HACE1: variants seen among roughly 807,000 people sequenced by gnomAD.
HACE1 encodes the protein HECT domain and ankyrin repeat containing E3 ubiquitin protein ligase 1.
Under a neutral mutation model 118.4 loss-of-function variants are expected in HACE1, and 73 were observed. The ratio of observed to expected loss-of-function variants is 0.62; its 90% confidence interval spans 0.51 to 0.75. The LOEUF (loss-of-function observed/expected upper bound fraction) is 0.75, where lower values mean the gene tolerates loss of function less well. HACE1 is among the 30% of genes least tolerant of loss of function. The pLI is 0.00. For synonymous variants in HACE1, 368 were observed against 374.8 expected, an observed-to-expected ratio of 0.98 and a Z score of 0.21; for missense variants, 749 against 1,102.2, an observed-to-expected ratio of 0.68 and a Z score of 4.54.
chr6:104,827,537 G>C (rs751431511), intron 6 of HACE1, among the ~76,000 whole-genome samples: 33 of 152,084 alleles, frequency 2.2e-4, no homozygotes, highest in Non-Finnish European at 4.3e-4. Flanking sequence ...ACAGTGGTAA[G>C]AGAACTTTCT....
intron 10 of HACE1, among the ~76,000 whole-genome samples, chr6:104,794,925 T>C (rs1783452961): frequency 6.6e-6 from 1 of 150,632 alleles, no homozygotes; most frequent in Non-Finnish European, 1.5e-5. Context: ...ATTGTATATA[T>C]GTGTGTGTGT....
intron 6 of HACE1, among the ~76,000 whole-genome samples, chr6:104,812,918 T>C (rs1185767252): frequency 6.6e-6 from 1 of 152,176 alleles, no homozygotes; most frequent in East Asian, 1.9e-4. Context: ...TATCCCTCTT[T>C]ACACTGTCTC....
chr6:104,806,923 C>G (rs998478209), intron 7 of HACE1, among the ~76,000 whole-genome samples: 2 of 151,712 alleles, frequency 1.3e-5, no homozygotes, highest in African/African-American at 4.8e-5. Context: ...ATAGTCCAGA[C>G]AGTTGTAATA....
At chr6:104,795,764 T>C (rs1769556381) in intron 9 of HACE1, 79 bp from the exon 10 acceptor site, 1 of 845,600 alleles carries the variant, frequency 1.2e-6, no homozygotes, top group Non-Finnish European at 2.0e-6. Context: ...ACCTATTAAG[T>C]ATCTTAAAGC....
chr6:104,811,524 G>A (rs1026673741), intron 6 of HACE1, 131 bp from the exon 7 acceptor site: 10 of 597,534 alleles, frequency 1.7e-5, no homozygotes, highest in Non-Finnish European at 2.9e-5. Context: ...GAGTGGGCAC[G>A]TGACAATTAC....
At chr6:104,800,885 T>C (rs1770256779) in intron 7 of HACE1, among the ~76,000 whole-genome samples, 1 of 152,214 alleles carries the variant, frequency 6.6e-6, no homozygotes. Flanking sequence ...TTCACAGAAG[T>C]AGGCTTCAGA....
intron 19 of HACE1, among the ~76,000 whole-genome samples, chr6:104,765,384 C>T (rs961050060): frequency 5.3e-5 from 8 of 152,218 alleles, no homozygotes; most frequent in Non-Finnish European, 7.3e-5. Flanking sequence ...TGCACTAGGA[C>T]ATCCCTGCAC....
At chr6:104,824,650 C>A (rs775345361) in intron 6 of HACE1, among the ~76,000 whole-genome samples, 58 of 152,150 alleles carry the variant, frequency 3.8e-4, no homozygotes, top group Non-Finnish European at 7.4e-4. Flanking sequence ...CTTTTAAAAT[C>A]CCTAAGGATT....
intron 19 of HACE1, among the ~76,000 whole-genome samples, chr6:104,768,296 C>CA (rs1166827070): frequency 6.6e-6 from 1 of 151,118 alleles, no homozygotes; most frequent in African/African-American, 2.4e-5. Flanking sequence ...CTAAACATGA[C>CA]AAAAAAACTT....
intron 22 of HACE1, among the ~76,000 whole-genome samples, chr6:104,742,668 G>T (rs1324252136): frequency 6.6e-6 from 1 of 151,396 alleles, no homozygotes; most frequent in Non-Finnish European, 1.5e-5. Context: ...AACAACAGGT[G>T]CTGGAGAGGA....
chr6:104,733,215 C>T (rs143143325), intron 22 of HACE1, among the ~76,000 whole-genome samples: 131 of 152,266 alleles, frequency 8.6e-4, no homozygotes, highest in African/African-American at 3.0e-3. Context: ...CAAATTATAG[C>T]ACAGTATTTC....
Position 104,729,740 on chromosome 6 carries a change from T to C in HACE1, c.2652A>G (p.Glu884=). ...STCINMLKLP[E]YPSKEILKDR... ...CCTTGAGTATTTCTTTACTTGGGTA[T>C]TCAGGTAACTTGAGCATGTTGATGC... The change falls in exon 24 of 24, where the codon GAA becomes GAG. Residue 884 remains glutamate, a synonymous_variant. Transcript: ENST00000262903. 6.5e-7 allele frequency: 1 copy of C among 1,542,532 alleles called. No homozygotes were observed. Among genetic ancestry groups the C allele is most frequent in the Non-Finnish European group, 9.0e-7 (1 of 1,115,406 alleles).
intron 7 of HACE1, among the ~76,000 whole-genome samples, chr6:104,800,276 T>C (rs1197537145): frequency 6.6e-6 from 1 of 152,104 alleles, no homozygotes; most frequent in African/African-American, 2.4e-5. Flanking sequence ...ACTCCACTTC[T>C]GTGGGCAGGG....
At chr6:104,850,542 C>T (rs1562510461) in intron 3 of HACE1, among the ~76,000 whole-genome samples, 1 of 152,142 alleles carries the variant, frequency 6.6e-6, no homozygotes, top group Non-Finnish European at 1.5e-5. Flanking sequence ...CATTCTCCAC[C>T]TATGTAAAAA....
intron 7 of HACE1, among the ~76,000 whole-genome samples, chr6:104,803,777 T>C (rs1267464380): frequency 6.6e-6 from 1 of 152,136 alleles, no homozygotes; most frequent in Non-Finnish European, 1.5e-5. Context: ...GGGCAAAAAC[T>C]GGAAGCATTC....
intron 8 of HACE1, 43 bp from the exon 9 acceptor site, chr6:104,796,799 C>T (rs1267893266): frequency 2.5e-6 from 3 of 1,220,638 alleles, no homozygotes; most frequent in Non-Finnish European, 3.6e-6. Flanking sequence ...AAAACAGTCC[C>T]TTTTAAAGTT....
intron 19 of HACE1, among the ~76,000 whole-genome samples, chr6:104,761,522 C>T (rs538789328): frequency 1.6e-4 from 24 of 152,300 alleles, no homozygotes; most frequent in Non-Finnish European, 3.1e-4. Context: ...TGGACCCCTT[C>T]CTTATACTTT....
intron 2 of HACE1, among the ~76,000 whole-genome samples, chr6:104,851,784 T>G (rs1453224428): frequency 6.6e-6 from 1 of 152,222 alleles, no homozygotes; most frequent in Non-Finnish European, 1.5e-5. Context: ...TACATTCTTC[T>G]TCTTATATCA....
Position 104,728,685 on chromosome 6 carries a change from T to C in HACE1, c.*977A>G, listed in dbSNP as rs921085024. 2.0e-5 allele frequency: 3 copies of C among 152,206 alleles called. No homozygotes were observed. The South Asian group carries it at 6.2e-4, about 31-fold the overall frequency. The allele number at this position is 152,206 out of a possible 1,614,324, so 9.4% of individuals were successfully genotyped here. On this transcript the variant is annotated 3_prime_UTR_variant, in exon 24 of 24. Coordinates refer to ENST00000262903, the MANE Select transcript of HACE1 (RefSeq NM_020771.4). Reference sequence around the variant, plus strand: ...CATGTTCCTACTTCCTGTTCAAACATATGCTGTAACTATTCAAGTACGTCT... The same window carrying C: ...CATGTTCCTACTTCCTGTTCAAACACATGCTGTAACTATTCAAGTACGTCT...
Sources: allele counts gnomAD v4.1 joint callset (sites outside exome capture counted in the v4.1 genomes callset), GRCh38; gene constraint gnomAD v4.1.1; transcripts MANE v1.5; gene names NCBI Gene and HGNC (gene_info 2026-07-23, HGNC 2026-07-21).